The following C1orf21 variants were observed in gnomAD, a reference collection of about 807,000 sequenced individuals.
C1orf21 encodes chromosome 1 open reading frame 21, also known as uncharacterized protein C1orf21.
A neutral mutation model predicts 18.7 loss-of-function variants in C1orf21; 3 were observed. The ratio of observed to expected loss-of-function variants is 0.16; its 90% confidence interval spans 0.07 to 0.42. The LOEUF is 0.42. C1orf21 is among the 10% of genes least tolerant of loss of function. C1orf21 has a pLI of 0.99. For synonymous variants in C1orf21, 41 were observed against 46.4 expected (o/e 0.88, Z 0.47); for missense variants, 104 against 143.6 (o/e 0.72, Z 1.41).
At chr1:184,453,354 A>G (rs1420577089) in intron 1 of C1orf21, among the ~76,000 whole-genome samples, 1 of 152,114 alleles carries the variant, frequency 6.6e-6, no homozygotes, top group Admixed American at 6.6e-5. Flanking sequence ...GACGGTTCTG[A>G]CGGTTCTGCT....
intron 3 of C1orf21, among the ~76,000 whole-genome samples, chr1:184,513,163 G>A (rs564314235): frequency 2.6e-5 from 4 of 152,204 alleles, no homozygotes; most frequent in Admixed American, 2.6e-4. Flanking sequence ...AAAAAGGTTG[G>A]GGACCACTGT....
rs1016202185 is a variant in C1orf21, at chr1:184,626,045, T to A, written c.*6489T>A. The A allele has an allele frequency of 1.3e-5, 2 of 152,194 alleles. No individual in the cohort carries two copies. Among genetic ancestry groups the A allele is most frequent in the Non-Finnish European group, 2.9e-5 (2 of 68,034 alleles). 9.4% of individuals were successfully genotyped at this position (152,194 alleles called of 1,614,324 possible). ...GGAGTTGGGGTCCCTTCATCTAGGT[T>A]GACCCAGGTATAGCATTTTTAGCAT... On this transcript the variant is annotated 3_prime_UTR_variant, in exon 6 of 6. Transcript: ENST00000235307.
chr1:184,499,134 C>A (rs543163843), intron 2 of C1orf21, among the ~76,000 whole-genome samples: 1 of 151,986 alleles, frequency 6.6e-6, no homozygotes, highest in Non-Finnish European at 1.5e-5. Context: ...TCCTACCCCT[C>A]TTCTTCCTCC....
intron 5 of C1orf21, among the ~76,000 whole-genome samples, chr1:184,606,891 T>G (rs1659653602): frequency 6.6e-6 from 1 of 152,200 alleles, no homozygotes; most frequent in African/African-American, 2.4e-5. Context: ...CATCTCCCAC[T>G]AAACAGCACC....
chr1:184,509,955 G>GGAAAAAA (rs1368348575), intron 3 of C1orf21, among the ~76,000 whole-genome samples: 3 of 152,068 alleles, frequency 2.0e-5, no homozygotes, highest in African/African-American at 7.2e-5. Context: ...CATCACGTGA[G>GGAAAAAA]GAAAAAACAG....
Position 184,624,786 on chromosome 1 carries a change from C to T in C1orf21, c.*5230C>T, listed in dbSNP as rs1043563099. 11 of 152,160 alleles carry T rather than the reference C, an allele frequency of 7.2e-5. No homozygotes were observed. Among genetic ancestry groups the T allele is most frequent in the African/African-American group, 2.4e-4 (10 of 41,434 alleles). 9.4% of individuals were successfully genotyped at this position (152,160 alleles called of 1,614,324 possible). On this transcript the variant is annotated 3_prime_UTR_variant, in exon 6 of 6. Transcript: ENST00000235307. ...ACATTTAAATAACTTGTTCCAAGGT[C>T]GGAAGAGCCCAAGAACTCCTCAGAG... is the stretch of plus-strand genomic sequence containing the variant.
chr1:184,457,823 C>T (rs2101982341), intron 1 of C1orf21, among the ~76,000 whole-genome samples: 1 of 152,242 alleles, frequency 6.6e-6, no homozygotes, highest in Non-Finnish European at 1.5e-5. Flanking sequence ...GTATAAAGAG[C>T]ATTTAGGAAA....
chr1:184,429,737 T>C (rs1214528963), intron 1 of C1orf21, among the ~76,000 whole-genome samples: 1 of 152,172 alleles, frequency 6.6e-6, no homozygotes, highest in African/African-American at 2.4e-5. Context: ...GTATTTTACT[T>C]ATAATATTTT....
intron 1 of C1orf21, among the ~76,000 whole-genome samples, chr1:184,395,086 GC>G (rs1349818219): frequency 6.6e-6 from 1 of 152,048 alleles, no homozygotes; most frequent in African/African-American, 2.4e-5. Context: ...CCTCCAAGGA[GC>G]CCTTTTTCTG....
At chr1:184,457,720 C>A (rs1657242938) in intron 1 of C1orf21, among the ~76,000 whole-genome samples, 2 of 152,094 alleles carry the variant, frequency 1.3e-5, no homozygotes, top group Non-Finnish European at 2.9e-5. Context: ...TTTCCTCAGT[C>A]TGGTTTGCTA....
chr1:184,619,345 A>G (rs984911512), intron 5 of C1orf21, among the ~76,000 whole-genome samples, 173 bp from the exon 6 acceptor site: 2 of 152,212 alleles, frequency 1.3e-5, no homozygotes, highest in African/African-American at 4.8e-5. Flanking sequence ...TATAGCTTAT[A>G]AATTGGCTAA....
chr1:184,447,501 A>G (rs1260039158), intron 1 of C1orf21, among the ~76,000 whole-genome samples: 2 of 152,092 alleles, frequency 1.3e-5, no homozygotes, highest in African/African-American at 2.4e-5. Flanking sequence ...TCTACTCTTT[A>G]TCTCCACCTA....
chr1:184,532,137 G>T lies in C1orf21; in HGVS notation c.189+24455G>T, dbSNP rs143995020. Among the ~76,000 whole-genome samples, 439 of 151,998 alleles carry T rather than the reference G, an allele frequency of 2.9e-3. 1 individual carries two copies. Among genetic ancestry groups the T allele is most frequent in the African/African-American group, 0.01 (418 of 41,430 alleles). On this transcript the variant is annotated intron_variant, in intron 3 of 5. Coordinates refer to ENST00000235307, the MANE Select transcript of C1orf21 (RefSeq NM_030806.4). ...TAGCATTGGATAATAATAAAATCTA[G>T]ATCTGGCATGGCATGGTGGCAGAGT...
At chr1:184,515,119 C>A (rs1261994610) in intron 3 of C1orf21, among the ~76,000 whole-genome samples, 1 of 152,166 alleles carries the variant, frequency 6.6e-6, no homozygotes, top group African/African-American at 2.4e-5. Flanking sequence ...TCTTTGAACA[C>A]CTCCTGGCAT....
At chr1:184,499,405 G>A (rs966331310) in intron 2 of C1orf21, among the ~76,000 whole-genome samples, 2 of 152,130 alleles carry the variant, frequency 1.3e-5, no homozygotes, top group Non-Finnish European at 2.9e-5. Context: ...AGATTTCACA[G>A]CATTTCCTTT....
At chr1:184,524,689 A>G (rs536845092) in intron 3 of C1orf21, among the ~76,000 whole-genome samples, 1 of 152,232 alleles carries the variant, frequency 6.6e-6, no homozygotes, top group East Asian at 1.9e-4. Context: ...GAATTAGACA[A>G]ATAAATACAG....
rs59964534 is a variant in C1orf21, at chr1:184,586,285, CT to C, written c.190-4437del. ...AGTGTTTGTTCATGTCTTTTGTCCA[CT>C]TTTTTTTTTTTTTTTTGAGACGGAG... On this transcript the variant is annotated intron_variant, in intron 3 of 5. Transcript: ENST00000235307. Among the ~76,000 whole-genome samples, 836 of 128,446 alleles carry C rather than the reference CT, an allele frequency of 6.5e-3. 14 individuals carry two copies. The highest frequency in any genetic ancestry group is 0.056 in the Admixed American group (712 of 12,710). 84.3% of individuals were successfully genotyped at this position (128,446 alleles called of 152,430 possible).
chr1:184,574,047 A>C (rs1659150875), intron 3 of C1orf21, among the ~76,000 whole-genome samples: 1 of 151,992 alleles, frequency 6.6e-6, no homozygotes, highest in Non-Finnish European at 1.5e-5. Flanking sequence ...GAAAAAAAAA[A>C]TACAAAAATT....
intron 3 of C1orf21, among the ~76,000 whole-genome samples, chr1:184,576,831 T>G (rs2101992515): frequency 2.0e-5 from 3 of 151,402 alleles, no homozygotes; most frequent in South Asian, 4.2e-4. Context: ...CCATGACTTT[T>G]GGAATAAAAC....
Sources: gnomAD v4.1 joint callset for allele counts (sites outside exome capture counted in the v4.1 genomes callset) on GRCh38, gnomAD v4.1.1 for gene constraint, MANE v1.5 for transcripts, NCBI Gene and HGNC (gene_info 2026-07-23, HGNC 2026-07-21) for gene names.